Variants in KCTD1 observed in about 807,000 individuals in gnomAD.
The protein encoded by KCTD1 is BTB/POZ domain-containing protein KCTD1.
In KCTD1, 24 loss-of-function variants were observed where a neutral mutation model predicts 66.0. That is an observed-to-expected ratio of 0.36 (90% CI 0.26 to 0.51). The LOEUF (loss-of-function observed/expected upper bound fraction) is 0.51, where lower values mean the gene tolerates loss of function less well. Ranked by LOEUF, KCTD1 falls within the 20% of genes least tolerant of loss-of-function variation. The pLI is 0.95. For synonymous variants in KCTD1, 511 were observed against 517.2 expected, an observed-to-expected ratio of 0.99 and a Z score of 0.16; for missense variants, 943 against 1,205.2, an observed-to-expected ratio of 0.78 and a Z score of 3.22.
At chr18:26,639,313 G>T (rs1987786843) in intron 1 of KCTD1, among the ~76,000 whole-genome samples, 1 of 152,218 alleles carries the variant, frequency 6.6e-6, no homozygotes, top group Non-Finnish European at 1.5e-5. Flanking sequence ...AAGTGAGGCA[G>T]TGGGAGGAGT....
At chr18:26,480,151 A>AT (rs1027421338) in intron 2 of KCTD1, among the ~76,000 whole-genome samples, 41 of 142,692 alleles carry the variant, frequency 2.9e-4, no homozygotes, top group South Asian at 1.3e-3. Flanking sequence ...TATTTTAACT[A>AT]TTTTTTTTAC....
At chr18:26,512,986 A>C (rs564852703) in intron 1 of KCTD1, among the ~76,000 whole-genome samples, 1 of 152,004 alleles carries the variant, frequency 6.6e-6, no homozygotes, top group Non-Finnish European at 1.5e-5. Context: ...CTCAAAAAAA[A>C]ATTTTTTTTT....
chr18:26,470,556 C>T (rs972066812), intron 3 of KCTD1, among the ~76,000 whole-genome samples: 16 of 152,218 alleles, frequency 1.1e-4, no homozygotes, highest in African/African-American at 3.9e-4. Context: ...GCTTCCTGGT[C>T]CTCGATAACA....
intron 1 of KCTD1, among the ~76,000 whole-genome samples, chr18:26,595,632 T>A (rs1171795667): frequency 1.3e-5 from 2 of 152,232 alleles, no homozygotes; most frequent in Non-Finnish European, 2.9e-5. Flanking sequence ...CCCTGCATTG[T>A]GCCACCACCA....
Position 26,548,488 on chromosome 18 carries a change from T to G in KCTD1, c.49A>C (p.Ser17Arg), listed in dbSNP as rs1985388267. 2 of 1,230,312 alleles carry G rather than the reference T, an allele frequency of 1.6e-6. No homozygotes were observed. Among genetic ancestry groups the G allele is most frequent in the African/African-American group, 1.6e-5 (1 of 63,020 alleles). The allele number at this position is 1,230,312 out of a possible 1,614,324, so 76.2% of individuals were successfully genotyped here. ...GCGGCGGCGGCGGCAGCGCTGGCGC[T>G]GCCGCCCGCGCTGGTGTTACAGTCC... ...SGDCNTSAGG[S>R]ASAAAAAAEN... The change falls in exon 1 of 5, where the codon AGC (serine) becomes CGC (arginine). Residue 17 changes from serine (S) to arginine (R), a missense_variant. Coordinates refer to ENST00000580059, the MANE Select transcript of KCTD1 (RefSeq NM_001142730.3).
chr18:26,514,329 G>C (rs867012187), intron 1 of KCTD1, among the ~76,000 whole-genome samples: 1 of 152,092 alleles, frequency 6.6e-6, no homozygotes, highest in Non-Finnish European at 1.5e-5. Context: ...GAAGTAGGAG[G>C]GCTGCTTGCG....
At chr18:26,470,987 C>T (rs912373892) in intron 3 of KCTD1, among the ~76,000 whole-genome samples, 2 of 152,114 alleles carry the variant, frequency 1.3e-5, no homozygotes, top group Middle Eastern at 3.2e-3. Flanking sequence ...CTTTCTGGGC[C>T]TTGTGGGCTC....
intron 1 of KCTD1, among the ~76,000 whole-genome samples, chr18:26,528,761 C>G (rs567248281): frequency 6.6e-6 from 1 of 152,330 alleles, no homozygotes; most frequent in South Asian, 2.1e-4. Context: ...CACTTGAAAT[C>G]TCAGCTGCAT....
intron 1 of KCTD1, among the ~76,000 whole-genome samples, chr18:26,576,185 G>A (rs766852203): frequency 7.9e-5 from 12 of 152,274 alleles, no homozygotes; most frequent in East Asian, 1.9e-4. Context: ...ACCGTGTCTC[G>A]TAATTGTATG....
chr18:26,455,631 T>G lies in KCTD1; in HGVS notation c.*112A>C. 1 of 1,354,972 alleles carries G rather than the reference T, an allele frequency of 7.4e-7. No individual in the cohort carries two copies. Among genetic ancestry groups the G allele is most frequent in the Non-Finnish European group, 1.0e-6 (1 of 966,824 alleles). 83.9% of individuals were successfully genotyped at this position (1,354,972 alleles called of 1,614,324 possible). Reference sequence around the variant, plus strand: ...TATTGGATATAAATGTGTCTTTTATTCGATTTTACGTCCAGGACTTGGTTT... The same window carrying G: ...TATTGGATATAAATGTGTCTTTTATGCGATTTTACGTCCAGGACTTGGTTT... On this transcript the variant is annotated 3_prime_UTR_variant, in exon 5 of 5. Coordinates refer to ENST00000580059, the MANE Select transcript of KCTD1 (RefSeq NM_001142730.3).
intron 1 of KCTD1, among the ~76,000 whole-genome samples, chr18:26,603,770 A>ATAAT (rs1367075489): frequency 6.6e-6 from 1 of 150,628 alleles, no homozygotes; most frequent in African/African-American, 2.4e-5. Context: ...AAATAAATAA[A>ATAAT]TAAATAAATA....
intron 1 of KCTD1, among the ~76,000 whole-genome samples, chr18:26,565,448 A>G (rs747944289): frequency 5.3e-5 from 8 of 152,180 alleles, no homozygotes; most frequent in Non-Finnish European, 1.0e-4. Context: ...CCCAGAGTAT[A>G]CTCTGGAACT....
intron 1 of KCTD1, among the ~76,000 whole-genome samples, chr18:26,655,032 T>A (rs1270102100): frequency 6.6e-6 from 1 of 152,248 alleles, no homozygotes; most frequent in Admixed American, 6.5e-5. Flanking sequence ...ATTCACCAAG[T>A]AGGCTATTAG....
intron 4 of KCTD1, chr18:26,456,586 C>A (rs1980099376): frequency 6.6e-6 from 1 of 152,062 alleles, no homozygotes; most frequent in Non-Finnish European, 1.5e-5. Context: ...CAAGAACCAG[C>A]ACAATGATTA....
chr18:26,467,680 T>TG (rs1980816928), intron 3 of KCTD1, among the ~76,000 whole-genome samples: 1 of 151,608 alleles, frequency 6.6e-6, no homozygotes, highest in African/African-American at 2.4e-5. Context: ...CTGGGCATGG[T>TG]GGGGGGTGCC....
At chr18:26,654,198 C>T (rs1988085952) in intron 1 of KCTD1, among the ~76,000 whole-genome samples, 1 of 152,202 alleles carries the variant, frequency 6.6e-6, no homozygotes, top group South Asian at 2.1e-4. Context: ...TGATAAAATA[C>T]ATCTGTCACT....
chr18:26,624,800 G>T (rs1189655560), intron 1 of KCTD1, among the ~76,000 whole-genome samples: 1 of 152,182 alleles, frequency 6.6e-6, no homozygotes, highest in Non-Finnish European at 1.5e-5. Context: ...CAGATCTACT[G>T]ACAGCTTGCA....
At chr18:26,552,134 C>T (rs1417905098), upstream of KCTD1, among the ~76,000 whole-genome samples, 3 of 152,190 alleles carry the variant, frequency 2.0e-5, no homozygotes, top group Admixed American at 6.5e-5. Flanking sequence ...TTGTGCTTCT[C>T]CACTTCTCAG....
chr18:26,647,265 T>C (rs1289966890), intron 1 of KCTD1, among the ~76,000 whole-genome samples: 1 of 151,392 alleles, frequency 6.6e-6, no homozygotes, highest in Non-Finnish European at 1.5e-5. Context: ...CCCCAGCACT[T>C]TGGGAGGCTG....
Sources: gnomAD v4.1 joint callset for allele counts (sites outside exome capture counted in the v4.1 genomes callset) on GRCh38, gnomAD v4.1.1 for gene constraint, MANE v1.5 for transcripts, NCBI Gene and HGNC (gene_info 2026-07-23, HGNC 2026-07-21) for gene names.